The following PLEKHD1 variants were observed in gnomAD, a reference collection of about 807,000 sequenced individuals.
PLEKHD1 encodes pleckstrin homology domain-containing family D member 1.
PLEKHD1 carries 51 observed loss-of-function variants against 69.2 expected under a neutral mutation model. That is an observed-to-expected ratio of 0.74 (90% confidence interval 0.59 to 0.93). The LOEUF is 0.93. Among genes scored for constraint, PLEKHD1 ranks in the 40% least tolerant of loss-of-function variants. The pLI, the probability that PLEKHD1 is intolerant of heterozygous loss-of-function variation, is 0.00. For missense variants in PLEKHD1, 584 were observed against 641.0 expected (o/e 0.91, Z 0.96); for synonymous variants, 236 against 244.7 (o/e 0.96, Z 0.33).
chr14:69,504,910 A>G (rs112839944), intron 6 of PLEKHD1, among the ~76,000 whole-genome samples: 1,937 of 152,288 alleles, frequency 0.013, 20 homozygotes, highest in Non-Finnish European at 0.021. Context: ...TTGTCAGCAA[A>G]TTAAAAACAG....
intron 8 of PLEKHD1, among the ~76,000 whole-genome samples, chr14:69,525,386 T>C (rs1883620023): frequency 6.6e-6 from 1 of 151,926 alleles, no homozygotes; most frequent in African/African-American, 2.4e-5. Context: ...TCATGGGAGG[T>C]GGTTCCCATG....
In PLEKHD1 at chr14:69,499,435, C is replaced by G. The variant is rs375158342; in HGVS notation, c.150-680C>G. ...CCCTAGAGGGTGCTTGGTGGCTCAT[C>G]ATAGCTCCAAACATGAGTCCTGGGA... On this transcript the variant is annotated intron_variant, in intron 1 of 12. Coordinates refer to ENST00000322564, the MANE Select transcript of PLEKHD1 (RefSeq NM_001161498.2). Among the ~76,000 whole-genome samples, 82 of 152,306 alleles carry G rather than the reference C, an allele frequency of 5.4e-4. 1 individual carries two copies. The South Asian group carries it at 6.8e-3, about 13-fold the overall frequency.
At position 69,501,725 on chromosome 14, in the gene PLEKHD1, C is replaced by T; in HGVS notation, c.411-9C>T. The T allele has an allele frequency of 6.5e-7, 1 of 1,547,484 alleles. No homozygotes were observed. The highest frequency in any genetic ancestry group is 8.7e-7 in the Non-Finnish European group (1 of 1,143,970). ...TCTCTCCTCTGTCCCATCTGCCCTC[C>T]CTCCCCAGGACCTGGAAGAATGCCC... On this transcript the variant is annotated splice_polypyrimidine_tract_variant and intron_variant, in intron 4 of 12. Coordinates refer to ENST00000322564, the MANE Select transcript of PLEKHD1 (RefSeq NM_001161498.2).
intron 6 of PLEKHD1, among the ~76,000 whole-genome samples, chr14:69,510,764 TGTTA>T (rs1594985220): frequency 6.6e-6 from 1 of 152,214 alleles, no homozygotes; most frequent in East Asian, 1.9e-4. Context: ...TGTCTGATTG[TGTTA>T]GTTAGGAATT....
At chr14:69,484,042 C>CGACACA (rs778975107), upstream of PLEKHD1, among the ~76,000 whole-genome samples, 15 of 152,224 alleles carry the variant, frequency 9.9e-5, no homozygotes, top group Non-Finnish European at 2.1e-4. Context: ...TGCCAAATGC[C>CGACACA]GACACAGACA....
At chr14:69,476,631 G>T in the PLEKHD1 span, among the ~76,000 whole-genome samples, 1 of 152,146 alleles carries the variant, frequency 6.6e-6, no homozygotes. Context: ...ATGTTGAAGA[G>T]GGATTTTGGG....
At position 69,529,753 on chromosome 14, in the gene PLEKHD1, C is replaced by T. The variant is rs1311683739; in HGVS notation, c.*1334C>T. ...GCCTGTGAAGCAATGTGACCATGAACTCTGGCAGCTGGGGACCCTGGGCCT... is the reference window on the plus strand; with the variant it reads ...GCCTGTGAAGCAATGTGACCATGAATTCTGGCAGCTGGGGACCCTGGGCCT... On this transcript the variant is annotated 3_prime_UTR_variant, in exon 13 of 13. Coordinates refer to ENST00000322564, the MANE Select transcript of PLEKHD1 (RefSeq NM_001161498.2). 2 of 152,244 alleles carry T rather than the reference C, an allele frequency of 1.3e-5. No homozygotes were observed. The highest frequency in any genetic ancestry group is 4.8e-5 in the African/African-American group (2 of 41,458). The allele number at this position is 152,244 out of a possible 1,614,324, so 9.4% of individuals were successfully genotyped here. A position where few individuals can be genotyped will look rare whatever the true frequency, so the allele number is the denominator to read the frequency against.
At chr14:69,479,394 C>T in the PLEKHD1 span, among the ~76,000 whole-genome samples, 4 of 152,186 alleles carry the variant, frequency 2.6e-5, no homozygotes, top group Admixed American at 6.5e-5. Flanking sequence ...AAGAGACTTA[C>T]AGGATCAGCT....
At chr14:69,520,189 A>T (rs1046655116) in intron 6 of PLEKHD1, among the ~76,000 whole-genome samples, 7 of 149,408 alleles carry the variant, frequency 4.7e-5, no homozygotes, top group Non-Finnish European at 1.5e-5. Flanking sequence ...AAAAAAAAAA[A>T]AAAAAAAGAG....
chr14:69,526,138 C>T lies in PLEKHD1; in HGVS notation c.923+16C>T, dbSNP rs760069148. On this transcript the variant is annotated intron_variant, in intron 9 of 12. Coordinates refer to ENST00000322564, the MANE Select transcript of PLEKHD1 (RefSeq NM_001161498.2). ...CAGAGAAGCGGTGAGGGAGCCCCGACCCCTGAAGACACCATTGACTTTGGG... is the reference window on the plus strand; with the variant it reads ...CAGAGAAGCGGTGAGGGAGCCCCGATCCCTGAAGACACCATTGACTTTGGG... 4 of 1,537,446 alleles carry T rather than the reference C, an allele frequency of 2.6e-6. No homozygotes were observed. The highest frequency in any genetic ancestry group is 2.1e-5 in the Admixed American group (1 of 47,268).
intron 6 of PLEKHD1, chr14:69,503,728 G>A (rs1040587932): frequency 1.3e-5 from 2 of 151,004 alleles, no homozygotes; most frequent in Non-Finnish European, 2.9e-5. Flanking sequence ...GCCGGGCATG[G>A]AAGTGCGTGC....
Position 69,527,238 on chromosome 14 carries a change from A to C in PLEKHD1, c.1107A>C (p.Glu369Asp). The part of the protein sequence containing the change: ...MDLERRLREA[E>D]GALRSLEQGL... ...TGGAGAGGCGTCTCCGGGAGGCAGAAGGGGCCTTGCGAAGCCTGGAACAGG... is the reference window on the plus strand; with the variant it reads ...TGGAGAGGCGTCTCCGGGAGGCAGACGGGGCCTTGCGAAGCCTGGAACAGG... The change falls in exon 11 of 13, where the codon GAA becomes GAC. Residue 369 changes from glutamate to aspartate, a missense_variant. Coordinates refer to ENST00000322564, the MANE Select transcript of PLEKHD1 (RefSeq NM_001161498.2). 1 of 1,551,718 alleles carries C rather than the reference A, an allele frequency of 6.4e-7. No homozygotes were observed. The highest frequency in any genetic ancestry group is 8.7e-7 in the Non-Finnish European group (1 of 1,146,976).
intron 6 of PLEKHD1, among the ~76,000 whole-genome samples, chr14:69,506,827 C>CA: frequency 6.9e-6 from 1 of 144,226 alleles, no homozygotes; most frequent in Middle Eastern, 3.5e-3. Flanking sequence ...ACTGTAGTAT[C>CA]ATACACAATA....
At chr14:69,513,358 G>T (rs1462757962) in intron 6 of PLEKHD1, among the ~76,000 whole-genome samples, 1 of 152,168 alleles carries the variant, frequency 6.6e-6, no homozygotes, top group East Asian at 1.9e-4. Context: ...CTCCAGGGGT[G>T]CCTGTGATCA....
intron 12 of PLEKHD1, 56 bp from the exon 13 acceptor site, chr14:69,528,194 C>A (rs1883704023): frequency 6.5e-7 from 1 of 1,541,406 alleles, no homozygotes; most frequent in Non-Finnish European, 8.8e-7. Context: ...GGGACAGGGC[C>A]AGGCCTTCGT....
At chr14:69,522,938 G>T (rs368280848) in intron 7 of PLEKHD1, among the ~76,000 whole-genome samples, 101 of 151,932 alleles carry the variant, frequency 6.6e-4, no homozygotes, top group Non-Finnish European at 1.2e-3. Flanking sequence ...ATGTTTGTTT[G>T]TTTGTTTGTT....
intron 6 of PLEKHD1, among the ~76,000 whole-genome samples, chr14:69,520,919 C>G (rs1883499357): frequency 6.6e-6 from 1 of 152,306 alleles, no homozygotes. Flanking sequence ...CACGGACCCA[C>G]TCACCTTTAC....
At chr14:69,495,638 C>T (rs1882871830) in intron 1 of PLEKHD1, among the ~76,000 whole-genome samples, 2 of 152,226 alleles carry the variant, frequency 1.3e-5, no homozygotes, top group East Asian at 3.8e-4. Flanking sequence ...TTACCATGGC[C>T]ATAGAGCCCT....
At chr14:69,479,302 C>A in the PLEKHD1 span, among the ~76,000 whole-genome samples, 1 of 152,278 alleles carries the variant, frequency 6.6e-6, no homozygotes, top group East Asian at 1.9e-4. Context: ...GGGGACACAG[C>A]CAAACCGTAT....
Sources: gnomAD v4.1 joint callset for allele counts (sites outside exome capture counted in the v4.1 genomes callset) on GRCh38, gnomAD v4.1.1 for gene constraint, MANE v1.5 for transcripts, NCBI Gene and HGNC (gene_info 2026-07-23, HGNC 2026-07-21) for gene names.